The following JAKMIP1 variants were observed in gnomAD, a reference collection of about 807,000 sequenced individuals.
JAKMIP1 encodes the protein janus kinase and microtubule-interacting protein 1.
A neutral mutation model predicts 113.0 loss-of-function variants in JAKMIP1; 33 were observed. That is an observed-to-expected ratio of 0.29 (90% CI 0.22 to 0.39). JAKMIP1 has a LOEUF of 0.39. JAKMIP1 is among the 10% of genes least tolerant of loss of function. The pLI is 1.00. For missense variants in JAKMIP1, 813 were observed against 1,080.5 expected (o/e 0.75, Z 3.47); for synonymous variants, 480 against 459.9 (o/e 1.04, Z -0.56).
chr4:6,159,088 C>CAAA lies in JAKMIP1; in HGVS notation c.-148+41162_-148+41164dup, dbSNP rs111279741. ...TGGGTGACAGAGCAAGATCCTGTCTCAAAAAAAAAAAAAATTAATAAAAAA... is the reference window on the plus strand; with the variant it reads ...TGGGTGACAGAGCAAGATCCTGTCTCAAAAAAAAAAAAAAAAATTAATAAAAAA... On this transcript the variant is annotated intron_variant, in intron 1 of 20. Coordinates refer to ENST00000409021, the MANE Select transcript of JAKMIP1 (RefSeq NM_001099433.2). Among the ~76,000 whole-genome samples the CAAA allele has an allele frequency of 2.9e-3, 415 of 143,578 alleles. 3 individuals are homozygous for CAAA. The highest frequency in any genetic ancestry group is 0.024 in the South Asian group (104 of 4,424). The allele number at this position is 143,578 out of a possible 152,430, so 94.2% of individuals were successfully genotyped here.
intron 1 of JAKMIP1, among the ~76,000 whole-genome samples, chr4:6,149,899 C>T (rs908474168): frequency 2.0e-5 from 3 of 152,140 alleles, no homozygotes; most frequent in African/African-American, 7.2e-5. Context: ...ACTCCCAGCT[C>T]TCCCCACCCA....
rs1010451256 is a variant in JAKMIP1, at chr4:6,059,828, G to A, written c.1644+596C>T. Among the ~76,000 whole-genome samples, 5 of 152,202 alleles carry A rather than the reference G, an allele frequency of 3.3e-5. No homozygotes were observed. Among genetic ancestry groups the A allele is most frequent in the South Asian group, 2.1e-4 (1 of 4,806 alleles). Reference sequence around the variant, plus strand: ...CATACGAACCTTCGCATGCCACCCCGAGAGGCCAGATTTCCACCCAGAGCC... The same window carrying A: ...CATACGAACCTTCGCATGCCACCCCAAGAGGCCAGATTTCCACCCAGAGCC... On this transcript the variant is annotated intron_variant, in intron 11 of 20. Coordinates refer to ENST00000409021, the MANE Select transcript of JAKMIP1 (RefSeq NM_001099433.2). This position sits in a 1 kb window ranked among gnomAD's most constrained non-coding sequence, Gnocchi z 4.8.
At chr4:6,057,084 A>G (rs1277655050) in intron 11 of JAKMIP1, among the ~76,000 whole-genome samples, 1 of 152,144 alleles carries the variant, frequency 6.6e-6, no homozygotes, top group Non-Finnish European at 1.5e-5. Flanking sequence ...GGCTGACCTC[A>G]TACCCCGCAG....
rs1015730500 is a variant in JAKMIP1 at position 6,137,061 on chromosome 4, G to T, written c.-147-24064C>A. On this transcript the variant is annotated intron_variant, in intron 1 of 20. Coordinates refer to ENST00000409021, the MANE Select transcript of JAKMIP1 (RefSeq NM_001099433.2). The surrounding 1 kb of genome is among the most constrained non-coding windows in gnomAD (Gnocchi z 4.5). ...TGCACCAGTAATCAAACTCCTACAC[G>T]GTGTCCCCTCCGATGTGCCCCCACC... Among the ~76,000 whole-genome samples the T allele has an allele frequency of 1.3e-5, 2 of 152,040 alleles. No individual in the cohort carries two copies. The highest frequency in any genetic ancestry group is 1.3e-4 in the Admixed American group (2 of 15,264).
In JAKMIP1 at chr4:6,162,606, G is replaced by A. The variant is rs1198862610; in HGVS notation, c.-148+37647C>T. ...GTCAACAGGGCAAAGGCACCATCTCGTTCAACCTGCCAAGCTCAGTGTGGC... is the reference window on the plus strand; with the variant it reads ...GTCAACAGGGCAAAGGCACCATCTCATTCAACCTGCCAAGCTCAGTGTGGC... On this transcript the variant is annotated intron_variant, in intron 1 of 20. Coordinates refer to ENST00000409021, the MANE Select transcript of JAKMIP1 (RefSeq NM_001099433.2). The surrounding 1 kb of genome is among the most constrained non-coding windows in gnomAD (Gnocchi z 5.6). 2.0e-5 allele frequency among the ~76,000 whole-genome samples: 3 copies of A among 152,190 alleles called. No homozygotes were observed. Among genetic ancestry groups the A allele is most frequent in the African/African-American group, 7.2e-5 (3 of 41,444 alleles).
At chr4:6,161,207 C>T (rs1170284171) in intron 1 of JAKMIP1, among the ~76,000 whole-genome samples, 5 of 142,360 alleles carry the variant, frequency 3.5e-5, no homozygotes, top group African/African-American at 1.1e-4. Flanking sequence ...CTCATCTCCC[C>T]GATCTCCACT....
chr4:6,082,754 G>T (rs1485522066), intron 5 of JAKMIP1, among the ~76,000 whole-genome samples: 1 of 152,060 alleles, frequency 6.6e-6, no homozygotes, highest in Non-Finnish European at 1.5e-5. Flanking sequence ...TTCCCACGTT[G>T]GCTTCCCAAA....
At chr4:6,195,424 A>G (rs1260933630) in intron 1 of JAKMIP1, among the ~76,000 whole-genome samples, 1 of 152,234 alleles carries the variant, frequency 6.6e-6, no homozygotes, top group Non-Finnish European at 1.5e-5. Flanking sequence ...ATTTTAATAT[A>G]TTTAGTACAT....
At chr4:6,043,410 C>T (rs911775165) in intron 16 of JAKMIP1, among the ~76,000 whole-genome samples, 1 of 151,994 alleles carries the variant, frequency 6.6e-6, no homozygotes, top group Non-Finnish European at 1.5e-5. Flanking sequence ...GTCCTGGAGC[C>T]CTGCCCTCGG....
In JAKMIP1 at chr4:6,042,219, C is replaced by A. The variant is rs1714416720; in HGVS notation, c.2037G>T (p.Lys679Asn). ...TVLALCEKWL[K>N]QIEGTEAALT... ...GGGCGGCCTCGGTCCCCTCTATTTGCTTCAGCCACTAGAAAACAGCAGGGA... is the reference window on the plus strand; with the variant it reads ...GGGCGGCCTCGGTCCCCTCTATTTGATTCAGCCACTAGAAAACAGCAGGGA... The change falls in exon 17 of 21, where the codon AAG becomes AAT. Residue 679 changes from lysine (K) to asparagine (N), a missense_variant. Transcript: ENST00000409021. The surrounding 1 kb of genome is among the most constrained non-coding windows in gnomAD (Gnocchi z 5.2). 1 of 1,613,644 alleles carries A rather than the reference C, an allele frequency of 6.2e-7. No individual in the cohort carries two copies. Among genetic ancestry groups the A allele is most frequent in the Admixed American group, 1.7e-5 (1 of 60,000 alleles).
rs1560300472 is a variant in JAKMIP1, at chr4:6,162,199, C to T, written c.-148+38054G>A. ...GCTTGGACCTCGTCCCACTAGAGGG[C>T]AGTGGGAGCGACTGCAGACCACTGG... On this transcript the variant is annotated intron_variant, in intron 1 of 20. Coordinates refer to ENST00000409021, the MANE Select transcript of JAKMIP1 (RefSeq NM_001099433.2). The surrounding 1 kb of genome is among the most constrained non-coding windows in gnomAD (Gnocchi z 5.6). Among the ~76,000 whole-genome samples, 1 of 152,140 alleles carries T rather than the reference C, an allele frequency of 6.6e-6. No homozygotes were observed. Among genetic ancestry groups the T allele is most frequent in the Non-Finnish European group, 1.5e-5 (1 of 68,006 alleles).
At chr4:6,043,356 G>A (rs1714589246) in intron 16 of JAKMIP1, among the ~76,000 whole-genome samples, 1 of 151,844 alleles carries the variant, frequency 6.6e-6, no homozygotes, top group South Asian at 2.1e-4. Flanking sequence ...CCTCTCCTCT[G>A]GCGGCAGCTG....
intron 1 of JAKMIP1, among the ~76,000 whole-genome samples, chr4:6,160,744 G>A (rs114661942): frequency 0.02 from 3,021 of 152,196 alleles, 111 homozygotes; most frequent in African/African-American, 0.069. Flanking sequence ...GTCTCCACCC[G>A]TCGTCTGAAG....
Position 6,192,990 on chromosome 4 carries a change from G to C in JAKMIP1, c.-148+7263C>G, listed in dbSNP as rs1371101862. On this transcript the variant is annotated intron_variant, in intron 1 of 20. Coordinates refer to ENST00000409021, the MANE Select transcript of JAKMIP1 (RefSeq NM_001099433.2). This position sits in a 1 kb window ranked among gnomAD's most constrained non-coding sequence, Gnocchi z 5.0. ...GTGTTCCCAAAAGAGATTAACAATT[G>C]AGTCAGTGGACTGGGAGAGGCAGAC... 3.3e-5 allele frequency among the ~76,000 whole-genome samples: 5 copies of C among 152,160 alleles called. No individual in the cohort carries two copies. Among genetic ancestry groups the C allele is most frequent in the African/African-American group, 1.2e-4 (5 of 41,448 alleles).
rs991728504 is a variant in JAKMIP1, at chr4:6,136,388, A to G, written c.-147-23391T>C. On this transcript the variant is annotated intron_variant, in intron 1 of 20. Transcript: ENST00000409021. This position sits in a 1 kb window ranked among gnomAD's most constrained non-coding sequence, Gnocchi z 5.9. Reference sequence around the variant, plus strand: ...CTGACAAATCAGTACCCTAGTGATAATATCTCCCACTGGGAGCAGGAATGA... The same window carrying G: ...CTGACAAATCAGTACCCTAGTGATAGTATCTCCCACTGGGAGCAGGAATGA... Among the ~76,000 whole-genome samples, 10 of 144,186 alleles carry G rather than the reference A, an allele frequency of 6.9e-5. No homozygotes were observed. The highest frequency in any genetic ancestry group is 1.6e-4 in the Non-Finnish European group (10 of 64,490). 94.6% of individuals were successfully genotyped at this position (144,186 alleles called of 152,430 possible). A position where few individuals can be genotyped will look rare whatever the true frequency, so the allele number is the denominator to read the frequency against.
Position 6,141,891 on chromosome 4 carries a change from G to A in JAKMIP1, c.-147-28894C>T, listed in dbSNP as rs1414956832. Among the ~76,000 whole-genome samples the A allele has an allele frequency of 6.6e-6, 1 of 152,164 alleles. No individual in the cohort carries two copies. The highest frequency in any genetic ancestry group is 1.5e-5 in the Non-Finnish European group (1 of 68,034). On this transcript the variant is annotated intron_variant, in intron 1 of 20. Transcript: ENST00000409021. The surrounding 1 kb of genome is among the most constrained non-coding windows in gnomAD (Gnocchi z 9.4). ...ATGGAGAGGCGCTTACGCTTCCTAA[G>A]GGCGTTAACCGTCTCTCTCTCATTT...
At chr4:6,048,961 T>C in intron 15 of JAKMIP1, 39 bp from the exon 16 acceptor site, 1 of 1,524,764 alleles carries the variant, frequency 6.6e-7, no homozygotes, top group Non-Finnish European at 9.1e-7. Flanking sequence ...TGACACTGGA[T>C]CCCAAATCCA....
intron 1 of JAKMIP1, among the ~76,000 whole-genome samples, chr4:6,149,370 C>T (rs1721279076): frequency 6.6e-6 from 1 of 152,174 alleles, no homozygotes; most frequent in Non-Finnish European, 1.5e-5. Flanking sequence ...AACTGCTTGG[C>T]CCAGGCCCAC....
rs1712631935 is a variant in JAKMIP1, at chr4:6,031,389, C to T, written c.2380-1608G>A. Among the ~76,000 whole-genome samples, 1 of 152,092 alleles carries T rather than the reference C, an allele frequency of 6.6e-6. No homozygotes were observed. Among genetic ancestry groups the T allele is most frequent in the Non-Finnish European group, 1.5e-5 (1 of 68,022 alleles). On this transcript the variant is annotated intron_variant, in intron 19 of 20. Coordinates refer to ENST00000409021, the MANE Select transcript of JAKMIP1 (RefSeq NM_001099433.2). This position sits in a 1 kb window ranked among gnomAD's most constrained non-coding sequence, Gnocchi z 4.4. ...CTGAGATCGCGCCATTGCACTCCAG[C>T]CTGGGTGACACAGAGAGACTCCATC...
Sources: allele counts gnomAD v4.1 joint callset (sites outside exome capture counted in the v4.1 genomes callset), GRCh38; gene constraint gnomAD v4.1.1; non-coding constraint Gnocchi (gnomAD v3.1); transcripts MANE v1.5; gene names NCBI Gene and HGNC (gene_info 2026-07-23, HGNC 2026-07-21).